The following DMXL2 variants were observed in gnomAD, a reference collection of about 807,000 sequenced individuals.
DMXL2 encodes the protein dmX-like protein 2.
DMXL2 carries 103 observed loss-of-function variants against 331.1 expected under a neutral mutation model. The observed-to-expected ratio is 0.31, with a 90% CI of 0.27 to 0.37. DMXL2 has a LOEUF of 0.37. Among genes scored for constraint, DMXL2 ranks in the 10% least tolerant of loss-of-function variants. The pLI is 1.00. For synonymous variants in DMXL2, 1,281 were observed against 1,252.1 expected, an observed-to-expected ratio of 1.02 and a Z score of -0.49; for missense variants, 3,171 against 3,642.9, an observed-to-expected ratio of 0.87 and a Z score of 3.33.
At position 51,499,360 on chromosome 15, in the gene DMXL2, A is replaced by G. The variant is rs1427681194; in HGVS notation, c.3864T>C (p.Ser1288=). The change falls in exon 18 of 44, where the codon TCT becomes TCC. Residue 1288 remains serine (S), a synonymous_variant. Transcript: ENST00000560891. The stretch of plus-strand genomic sequence containing the variant: ...CTTGCATTGCTGCCTCTTCTGCATT[A>G]GAACTATCAGCTTCAGTGTCTCCAA... ...VKFGDTEADS[S]NAEEAAMQDH... is the part of the protein sequence containing the mutation. 6.2e-7 allele frequency: 1 copy of G among 1,613,974 alleles called. No homozygotes were observed. Among genetic ancestry groups the G allele is most frequent in the Admixed American group, 1.7e-5 (1 of 60,022 alleles).
intron 41 of DMXL2, chr15:51,453,331 G>A: frequency 2.5e-6 from 1 of 392,572 alleles, no homozygotes; most frequent in Non-Finnish European, 4.5e-6. Context: ...AAAAAAGACT[G>A]AATAGCTTTA....
intron 8 of DMXL2, among the ~76,000 whole-genome samples, chr15:51,544,052 A>T (rs932360365): frequency 1.3e-5 from 2 of 152,228 alleles, no homozygotes; most frequent in Admixed American, 1.3e-4. Flanking sequence ...AGATAACTTT[A>T]ACTGTTTTGA....
rs566983557 is a variant in DMXL2, at chr15:51,463,667, G to T, written c.7809-171C>A. Among the ~76,000 whole-genome samples, 11 of 152,212 alleles carry T rather than the reference G, an allele frequency of 7.2e-5. No homozygotes were observed. In the South Asian group the frequency reaches 2.3e-3, roughly 32 times the overall value. ...GCATTAAGCTCAACAAAACTGTACA[G>T]TTTACTTTTAATTTTTAGTTCTCCT... On this transcript the variant is annotated intron_variant, in intron 32 of 43. Transcript: ENST00000560891.
intron 1 of DMXL2, among the ~76,000 whole-genome samples, chr15:51,607,045 C>T (rs1476809509): frequency 6.6e-6 from 1 of 152,096 alleles, no homozygotes; most frequent in African/African-American, 2.4e-5. Flanking sequence ...GTAATCCCAG[C>T]TACTCGGGAG....
At chr15:51,555,597 T>C (rs747929995) in intron 6 of DMXL2, among the ~76,000 whole-genome samples, 5 of 152,028 alleles carry the variant, frequency 3.3e-5, no homozygotes, top group Non-Finnish European at 7.4e-5. Flanking sequence ...TAAAAAGACC[T>C]ACAAAATTGA....
At chr15:51,485,040 A>C (rs2042290277) in intron 23 of DMXL2, among the ~76,000 whole-genome samples, 1 of 150,064 alleles carries the variant, frequency 6.7e-6, no homozygotes. Context: ...AAACCAAAAA[A>C]AAAAAAAAAA....
At chr15:51,556,700 A>T (rs2049613886) in intron 6 of DMXL2, among the ~76,000 whole-genome samples, 1 of 152,108 alleles carries the variant, frequency 6.6e-6, no homozygotes. Context: ...TGAACCTGGG[A>T]AGCTGAGATT....
At chr15:51,474,661 T>G in intron 27 of DMXL2, 69 bp from the exon 28 acceptor site, 1 of 1,475,280 alleles carries the variant, frequency 6.8e-7, no homozygotes, top group Non-Finnish European at 9.0e-7. Context: ...ACATCCAAAT[T>G]TGCAACTTAT....
intron 20 of DMXL2, 78 bp from the exon 21 acceptor site, chr15:51,488,723 G>T: frequency 2.4e-6 from 3 of 1,258,446 alleles, no homozygotes; most frequent in Non-Finnish European, 2.2e-6. Flanking sequence ...ATGTTCCCCT[G>T]CTACTTCCAT....
intron 22 of DMXL2, among the ~76,000 whole-genome samples, chr15:51,487,124 T>G (rs1379404055): frequency 5.3e-5 from 8 of 152,180 alleles, no homozygotes; most frequent in African/African-American, 1.9e-4. Flanking sequence ...ACACAAACAT[T>G]TGTAATTACT....
chr15:51,547,494 G>A, intron 6 of DMXL2, 86 bp from the exon 7 acceptor site: 1 of 945,600 alleles, frequency 1.1e-6, no homozygotes, highest in Non-Finnish European at 1.5e-6. Context: ...TAAAAATTAA[G>A]TTACATCTAA....
intron 13 of DMXL2, among the ~76,000 whole-genome samples, 187 bp downstream of exon 13, chr15:51,535,476 A>G (rs1184847972): frequency 6.6e-6 from 1 of 152,190 alleles, no homozygotes; most frequent in African/African-American, 2.4e-5. Context: ...TATGTACACT[A>G]AAATTTTGAT....
At chr15:51,622,373 G>T in intron 1 of DMXL2, 86 bp downstream of exon 1, 1 of 1,514,674 alleles carries the variant, frequency 6.6e-7, no homozygotes, top group Non-Finnish European at 8.9e-7. Flanking sequence ...ACAGCCTCCT[G>T]AGGAGGCGTG....
intron 19 of DMXL2, among the ~76,000 whole-genome samples, chr15:51,493,283 TATATA>T (rs1471905628): frequency 1.3e-5 from 2 of 152,138 alleles, no homozygotes; most frequent in Non-Finnish European, 2.9e-5. Context: ...TGATATAAAA[TATATA>T]ATATAAAATG....
At chr15:51,478,938 A>T (rs933456574) in intron 25 of DMXL2, among the ~76,000 whole-genome samples, 1 of 151,692 alleles carries the variant, frequency 6.6e-6, no homozygotes, top group Admixed American at 6.6e-5. Flanking sequence ...AAAACCCACC[A>T]CCCTGAAATG....
chr15:51,537,583 T>C lies in DMXL2; in HGVS notation c.1522A>G (p.Met508Val), dbSNP rs2048354431. ...LLTEWNKNPDMLFTIHPVDGT... is the reference protein window; with the variant it reads ...LLTEWNKNPDVLFTIHPVDGT... ...TCTACAGGGTGTATTGTAAAAAGCA[T>C]ATCAGGATTCTTATTCCATTCAGTT... Residue 508 changes from methionine (M) to valine (V), a missense_variant, in exon 11 of 44, where the codon ATG becomes GTG. Coordinates refer to ENST00000560891, the MANE Select transcript of DMXL2 (RefSeq NM_001378457.1). 1.2e-6 allele frequency: 2 copies of C among 1,613,914 alleles called. No homozygotes were observed. Among genetic ancestry groups the C allele is most frequent in the Non-Finnish European group, 1.7e-6 (2 of 1,179,874 alleles).
chr15:51,566,954 C>T (rs2050326202), intron 3 of DMXL2: 1 of 151,930 alleles, frequency 6.6e-6, no homozygotes. Flanking sequence ...GTATGCTTAA[C>T]CACTTAGCTG....
At chr15:51,582,269 A>G (rs188901567) in intron 1 of DMXL2, among the ~76,000 whole-genome samples, 2 of 152,318 alleles carry the variant, frequency 1.3e-5, no homozygotes, top group South Asian at 4.1e-4. Context: ...CCTATGTCAC[A>G]AGGTAAATAC....
chr15:51,461,458 T>C (rs2040114116), intron 33 of DMXL2, among the ~76,000 whole-genome samples: 1 of 152,168 alleles, frequency 6.6e-6, no homozygotes, highest in African/African-American at 2.4e-5. Flanking sequence ...TTGTGATAAA[T>C]CATTAATTTT....
Sources: gnomAD v4.1 joint callset for allele counts (sites outside exome capture counted in the v4.1 genomes callset) on GRCh38, gnomAD v4.1.1 for gene constraint, MANE v1.5 for transcripts, NCBI Gene and HGNC (gene_info 2026-07-23, HGNC 2026-07-21) for gene names.